SEMA5A: variants seen among roughly 807,000 people sequenced by gnomAD.
SEMA5A encodes the protein semaphorin 5A.
Under a neutral mutation model 135.5 loss-of-function variants are expected in SEMA5A, and 55 were observed. The observed-to-expected ratio is 0.41, with a 90% CI of 0.33 to 0.51. The LOEUF is 0.51. Ranked by LOEUF, SEMA5A falls within the 20% of genes least tolerant of loss-of-function variation. SEMA5A has a pLI of 0.37. For missense variants in SEMA5A, 1,290 were observed against 1,419.9 expected (o/e 0.91, Z 1.47); for synonymous variants, 580 against 546.5 (o/e 1.06, Z -0.85).
intron 18 of SEMA5A, among the ~76,000 whole-genome samples, chr5:9,061,023 C>T (rs756160112): frequency 8.6e-5 from 13 of 151,746 alleles, no homozygotes; most frequent in Non-Finnish European, 1.8e-4. Flanking sequence ...CCCTCGAGAC[C>T]CAGCTTAAGG....
At chr5:9,297,149 C>A (rs1751374632) in intron 5 of SEMA5A, among the ~76,000 whole-genome samples, 1 of 150,156 alleles carries the variant, frequency 6.7e-6, no homozygotes, top group Admixed American at 6.6e-5. Context: ...ACAAATTCAA[C>A]CTAAAAAAAT....
chr5:9,273,181 T>C (rs539953999), intron 5 of SEMA5A, among the ~76,000 whole-genome samples: 1 of 152,010 alleles, frequency 6.6e-6, no homozygotes, highest in Admixed American at 6.5e-5. Context: ...CAAGAGAAAT[T>C]CGTGAAGCAT....
intron 1 of SEMA5A, among the ~76,000 whole-genome samples, chr5:9,464,496 T>C (rs1759181007): frequency 1.3e-5 from 2 of 152,240 alleles, no homozygotes; most frequent in Non-Finnish European, 2.9e-5. Flanking sequence ...CGTACCCCTT[T>C]TCAATCATGT....
At chr5:9,138,530 G>A (rs957303325) in intron 12 of SEMA5A, among the ~76,000 whole-genome samples, 2 of 152,080 alleles carry the variant, frequency 1.3e-5, no homozygotes, top group African/African-American at 4.8e-5. Context: ...CCCTTTAACA[G>A]CTGTATAGTG....
At chr5:9,329,872 A>T (rs971346644) in intron 4 of SEMA5A, among the ~76,000 whole-genome samples, 4 of 152,198 alleles carry the variant, frequency 2.6e-5, no homozygotes, top group Non-Finnish European at 5.9e-5. Context: ...ACCTATGCAC[A>T]TCTTCCCATA....
At chr5:9,475,103 C>T (rs933240244) in intron 1 of SEMA5A, among the ~76,000 whole-genome samples, 3 of 152,136 alleles carry the variant, frequency 2.0e-5, no homozygotes, top group East Asian at 3.9e-4. Flanking sequence ...CACCTACTTT[C>T]GTATTTTTAG....
At chr5:9,318,286 C>T in intron 5 of SEMA5A, 86 bp downstream of exon 5, 1 of 1,343,250 alleles carries the variant, frequency 7.4e-7, no homozygotes. Context: ...GGATTAACAC[C>T]TTTACATGCA....
intron 13 of SEMA5A, among the ~76,000 whole-genome samples, chr5:9,129,547 C>T (rs1211160566): frequency 1.3e-5 from 2 of 152,236 alleles, no homozygotes; most frequent in Admixed American, 6.5e-5. Context: ...GAATAACAAT[C>T]TAAGTTCTGT....
chr5:9,050,310 C>A, intron 21 of SEMA5A, 100 bp downstream of exon 21: 1 of 1,117,682 alleles, frequency 8.9e-7, no homozygotes, highest in South Asian at 1.7e-5. Context: ...GTTTTTCATT[C>A]TTGGCCAAGA....
intron 1 of SEMA5A, among the ~76,000 whole-genome samples, chr5:9,444,885 C>T (rs750387791): frequency 7.9e-5 from 12 of 152,244 alleles, no homozygotes; most frequent in Middle Eastern, 3.4e-3. Flanking sequence ...CTGTGCAGGA[C>T]CCCAGCCAAG....
chr5:9,170,827 T>C (rs766231958), intron 11 of SEMA5A, among the ~76,000 whole-genome samples: 1 of 152,108 alleles, frequency 6.6e-6, no homozygotes, highest in Admixed American at 6.5e-5. Flanking sequence ...CCAAGACAAG[T>C]ATATGATAAA....
At chr5:9,152,808 A>T (rs1172644000) in intron 12 of SEMA5A, among the ~76,000 whole-genome samples, 1 of 152,224 alleles carries the variant, frequency 6.6e-6, no homozygotes, top group Non-Finnish European at 1.5e-5. Context: ...GCAGTGGCAC[A>T]CGCCTGTAAT....
At chr5:9,197,728 TTGTGTGTGTGTGTGTGTGTG>T (rs70943946) in intron 9 of SEMA5A, among the ~76,000 whole-genome samples, 114 of 59,304 alleles carry the variant, frequency 1.9e-3, no homozygotes, top group African/African-American at 7.3e-3. Context: ...GGAAAGCTGT[TTGTGTGTGTGTGTGTGTGTG>T]TGTGTGTGTG....
chr5:9,051,143 G>C (rs545073012), intron 20 of SEMA5A, among the ~76,000 whole-genome samples: 1 of 152,108 alleles, frequency 6.6e-6, no homozygotes, highest in Non-Finnish European at 1.5e-5. Flanking sequence ...GTTCTGTGCC[G>C]TACATGACTG....
At chr5:9,118,770 C>T (rs1163224021) in intron 15 of SEMA5A, among the ~76,000 whole-genome samples, 1 of 152,176 alleles carries the variant, frequency 6.6e-6, no homozygotes, top group East Asian at 1.9e-4. Flanking sequence ...AATTGCTCAG[C>T]GGAGCCAGCC....
intron 1 of SEMA5A, among the ~76,000 whole-genome samples, chr5:9,530,965 C>G (rs1455386962): frequency 6.6e-6 from 1 of 152,206 alleles, no homozygotes; most frequent in Non-Finnish European, 1.5e-5. Flanking sequence ...CAAGTACCCT[C>G]TTCACATCTT....
chr5:9,465,588 T>C (rs981535413), intron 1 of SEMA5A, among the ~76,000 whole-genome samples: 11 of 152,236 alleles, frequency 7.2e-5, no homozygotes, highest in African/African-American at 2.7e-4. Context: ...TGAAATGATG[T>C]ATAGGCATTA....
rs1735872635 is a variant in SEMA5A, at chr5:9,039,977, T to G, written c.*2920A>C. 6.6e-6 allele frequency: 1 copy of G among 152,096 alleles called. No individual in the cohort carries two copies. Among genetic ancestry groups the G allele is most frequent in the Admixed American group, 6.5e-5 (1 of 15,270 alleles). 9.4% of individuals were successfully genotyped at this position (152,096 alleles called of 1,614,324 possible). A position where few individuals can be genotyped will look rare whatever the true frequency, so the allele number is the denominator to read the frequency against. On this transcript the variant is annotated 3_prime_UTR_variant, in exon 23 of 23. Coordinates refer to ENST00000382496, the MANE Select transcript of SEMA5A (RefSeq NM_003966.3). ...GCACTGGGAGCCACTTTCAAAGAAT[T>G]TAAATGTAAGACTAAAGCCAAGCCA...
chr5:9,496,926 C>T (rs997808192), intron 1 of SEMA5A, among the ~76,000 whole-genome samples: 1 of 152,204 alleles, frequency 6.6e-6, no homozygotes, highest in Non-Finnish European at 1.5e-5. Flanking sequence ...CCGAGTGGAG[C>T]ATTTGAGATA....
Sources: allele counts gnomAD v4.1 joint callset (sites outside exome capture counted in the v4.1 genomes callset), GRCh38; gene constraint gnomAD v4.1.1; transcripts MANE v1.5; gene names NCBI Gene and HGNC (gene_info 2026-07-23, HGNC 2026-07-21).